Variants in VTI1A observed in about 807,000 individuals in gnomAD.
The protein encoded by VTI1A is vesicle transport through interaction with t-SNAREs homolog 1A.
A neutral mutation model predicts 34.9 loss-of-function variants in VTI1A; 22 were observed. The observed-to-expected ratio is 0.63, with a 90% CI of 0.45 to 0.90. VTI1A has a LOEUF of 0.90. Ranked by LOEUF, VTI1A falls within the 40% of genes least tolerant of loss-of-function variation. The pLI, the probability that VTI1A is intolerant of heterozygous loss-of-function variation, is 0.00. For synonymous variants in VTI1A, 87 were observed against 97.3 expected, an observed-to-expected ratio of 0.89 and a Z score of 0.62; for missense variants, 268 against 275.6, an observed-to-expected ratio of 0.97 and a Z score of 0.20.
chr10:112,800,125 G>A lies in VTI1A; in HGVS notation c.561-15165G>A, dbSNP rs112754114. Among the ~76,000 whole-genome samples the A allele has an allele frequency of 6.8e-3, 1,035 of 152,290 alleles. 5 individuals are homozygous for A. Among genetic ancestry groups the A allele is most frequent in the Non-Finnish European group, 0.011 (775 of 68,020 alleles). On this transcript the variant is annotated intron_variant, in intron 7 of 7. Transcript: ENST00000393077. Reference sequence around the variant, plus strand: ...AAATGACTATTAAGTGGTAAGTATCGAATGTCAGATCTTAGAGGAAAATAA... The same window carrying A: ...AAATGACTATTAAGTGGTAAGTATCAAATGTCAGATCTTAGAGGAAAATAA...
At chr10:112,550,382 T>G (rs1381547167) in intron 5 of VTI1A, among the ~76,000 whole-genome samples, 1 of 151,952 alleles carries the variant, frequency 6.6e-6, no homozygotes, top group African/African-American at 2.4e-5. Context: ...GTTTATGTAT[T>G]TAACAGAATT....
chr10:112,820,851 G>T (rs565940002), downstream of VTI1A, among the ~76,000 whole-genome samples: 102 of 152,336 alleles, frequency 6.7e-4, no homozygotes, highest in African/African-American at 2.2e-3. Context: ...GGGTTGGGTA[G>T]CAGAGGGTGG....
chr10:112,514,361 A>G (rs927770375), intron 3 of VTI1A, among the ~76,000 whole-genome samples: 28 of 151,612 alleles, frequency 1.8e-4, no homozygotes, highest in African/African-American at 6.8e-4. Context: ...CTTTCATTCT[A>G]ATTTTATTTA....
chr10:112,624,556 A>T (rs898387358), intron 5 of VTI1A, among the ~76,000 whole-genome samples: 56 of 151,766 alleles, frequency 3.7e-4, no homozygotes, highest in African/African-American at 8.2e-4. Flanking sequence ...GTTTTTTTTA[A>T]AAAAAGTTCT....
chr10:112,766,434 G>A (rs11196097), intron 7 of VTI1A, among the ~76,000 whole-genome samples: 27,971 of 152,158 alleles, frequency 0.18, 3,578 homozygotes, highest in African/African-American at 0.36. Flanking sequence ...TTTTAGATTT[G>A]TTAGTTAGAA....
chr10:112,788,949 C>T (rs1199682479), intron 7 of VTI1A, among the ~76,000 whole-genome samples: 1 of 151,988 alleles, frequency 6.6e-6, no homozygotes, highest in Non-Finnish European at 1.5e-5. Context: ...AACCAATTTC[C>T]TCCCTCTTCC....
chr10:112,663,459 A>T (rs928757165), intron 5 of VTI1A, among the ~76,000 whole-genome samples: 3 of 152,184 alleles, frequency 2.0e-5, no homozygotes, highest in African/African-American at 7.2e-5. Context: ...TGGGAATGGT[A>T]ATTTGCATCT....
chr10:112,534,557 G>A (rs977603164), intron 4 of VTI1A, among the ~76,000 whole-genome samples: 1 of 152,064 alleles, frequency 6.6e-6, no homozygotes, highest in African/African-American at 2.4e-5. Flanking sequence ...GAAGCTTCTA[G>A]ATAGTGTTTT....
At chr10:112,801,216 G>T (rs2134072449) in intron 7 of VTI1A, among the ~76,000 whole-genome samples, 1 of 152,250 alleles carries the variant, frequency 6.6e-6, no homozygotes, top group East Asian at 1.9e-4. Context: ...TTGGGGAGGG[G>T]TCATCCTGGC....
At chr10:112,853,343 C>T in the VTI1A span, among the ~76,000 whole-genome samples, 1 of 152,176 alleles carries the variant, frequency 6.6e-6, no homozygotes, top group Non-Finnish European at 1.5e-5. Flanking sequence ...GTTTCTGTTG[C>T]TTGCAGCCAT....
At chr10:112,630,291 T>C (rs957854263) in intron 5 of VTI1A, among the ~76,000 whole-genome samples, 4 of 152,212 alleles carry the variant, frequency 2.6e-5, no homozygotes, top group African/African-American at 9.6e-5. Context: ...TGAAATTCTT[T>C]CCTGGAGCCA....
At chr10:112,673,888 G>A (rs1335069191) in intron 7 of VTI1A, among the ~76,000 whole-genome samples, 1 of 152,112 alleles carries the variant, frequency 6.6e-6, no homozygotes, top group African/African-American at 2.4e-5. Flanking sequence ...ATAAAAACAG[G>A]TTTATTCTTA....
chr10:112,688,817 G>C (rs1848520614), intron 7 of VTI1A, among the ~76,000 whole-genome samples: 2 of 152,102 alleles, frequency 1.3e-5, no homozygotes, highest in Non-Finnish European at 2.9e-5. Context: ...GGAATTACAG[G>C]CATCAGCCAC....
At chr10:112,838,521 T>G in the VTI1A span, among the ~76,000 whole-genome samples, 350 of 152,350 alleles carry the variant, frequency 2.3e-3, 3 homozygotes, top group Non-Finnish European at 1.5e-3. Flanking sequence ...GTATTTCATG[T>G]GTCCAGTATT....
At chr10:112,653,236 G>C (rs1170204316) in intron 5 of VTI1A, among the ~76,000 whole-genome samples, 1 of 152,158 alleles carries the variant, frequency 6.6e-6, no homozygotes, top group Non-Finnish European at 1.5e-5. Flanking sequence ...GGAAGTCAGC[G>C]AGAATCAGCC....
intron 7 of VTI1A, among the ~76,000 whole-genome samples, chr10:112,727,932 G>A (rs1050390185): frequency 3.9e-5 from 6 of 152,084 alleles, no homozygotes; most frequent in Non-Finnish European, 7.3e-5. Context: ...CAGGCGGCCT[G>A]AGGACCGACC....
intron 1 of VTI1A, among the ~76,000 whole-genome samples, chr10:112,448,070 A>G (rs936993838): frequency 7.9e-5 from 12 of 152,228 alleles, no homozygotes; most frequent in Non-Finnish European, 1.6e-4. Flanking sequence ...GTGCCTCTTA[A>G]ACAGACTTCT....
intron 5 of VTI1A, among the ~76,000 whole-genome samples, chr10:112,584,513 C>T (rs545267208): frequency 1.8e-4 from 27 of 152,290 alleles, no homozygotes; most frequent in African/African-American, 5.5e-4. Flanking sequence ...TACTGGGCAT[C>T]GCTCGCCTGT....
the VTI1A span, among the ~76,000 whole-genome samples, chr10:112,851,411 TC>T: frequency 2.6e-5 from 4 of 152,334 alleles, no homozygotes; most frequent in African/African-American, 9.6e-5. Flanking sequence ...ATATGCTTCT[TC>T]CCCTGCCCAG....
Sources: allele counts gnomAD v4.1 joint callset (sites outside exome capture counted in the v4.1 genomes callset), GRCh38; gene constraint gnomAD v4.1.1; transcripts MANE v1.5; gene names NCBI Gene and HGNC (gene_info 2026-07-23, HGNC 2026-07-21).